FRMD5: variants seen among roughly 807,000 people sequenced by gnomAD.
FRMD5 encodes FERM domain containing 5.
FRMD5 carries 20 observed loss-of-function variants against 69.0 expected under a neutral mutation model. The observed-to-expected ratio is 0.29, with a 90% CI of 0.20 to 0.42. FRMD5 has a LOEUF of 0.42. Ranked by LOEUF, FRMD5 falls within the 10% of genes least tolerant of loss-of-function variation. The pLI is 1.00. For missense variants in FRMD5, 595 were observed against 708.6 expected, an observed-to-expected ratio of 0.84 and a Z score of 1.82; for synonymous variants, 271 against 260.1, an observed-to-expected ratio of 1.04 and a Z score of -0.40.
chr15:44,035,943 A>T (rs1055459109), intron 1 of FRMD5, among the ~76,000 whole-genome samples: 3 of 152,188 alleles, frequency 2.0e-5, no homozygotes, highest in Admixed American at 6.5e-5. Flanking sequence ...AATGTTATAC[A>T]TGTGCTCCTG....
intron 5 of FRMD5, among the ~76,000 whole-genome samples, chr15:43,906,428 C>G (rs1566827001): frequency 6.6e-6 from 1 of 152,150 alleles, no homozygotes; most frequent in African/African-American, 2.4e-5. Context: ...GATGAATGAG[C>G]TGCGATCCAA....
At chr15:44,152,778 T>C (rs13379739) in intron 1 of FRMD5, among the ~76,000 whole-genome samples, 11,759 of 152,258 alleles carry the variant, frequency 0.077, 1,337 homozygotes, top group African/African-American at 0.24. Flanking sequence ...ACATATTTTG[T>C]CTGTTAAAAT....
chr15:44,052,688 C>T (rs563547115), intron 1 of FRMD5, among the ~76,000 whole-genome samples: 1 of 152,274 alleles, frequency 6.6e-6, no homozygotes, highest in African/African-American at 2.4e-5. Context: ...ACAAAAGACA[C>T]CATGACCATT....
At chr15:44,017,061 G>A (rs1035181989) in intron 1 of FRMD5, among the ~76,000 whole-genome samples, 5 of 151,972 alleles carry the variant, frequency 3.3e-5, no homozygotes, top group African/African-American at 7.2e-5. Context: ...TGAACTGGCC[G>A]GGTGCGGTGG....
At chr15:44,112,709 C>A (rs866475287) in intron 1 of FRMD5, among the ~76,000 whole-genome samples, 1 of 152,054 alleles carries the variant, frequency 6.6e-6, no homozygotes, top group Admixed American at 6.5e-5. Context: ...ACCTCATGAT[C>A]CACCCACCTC....
intron 1 of FRMD5, among the ~76,000 whole-genome samples, chr15:44,119,388 G>C (rs757542950): frequency 6.6e-6 from 1 of 152,092 alleles, no homozygotes; most frequent in Non-Finnish European, 1.5e-5. Context: ...TACTGACTTC[G>C]AGACGTACAG....
intron 7 of FRMD5, among the ~76,000 whole-genome samples, chr15:43,897,921 TTC>T (rs1375900236): frequency 7.3e-5 from 11 of 151,444 alleles, no homozygotes; most frequent in African/African-American, 2.7e-4. Flanking sequence ...TCCCCCCTCA[TTC>T]TCTCTTTCCT....
chr15:44,055,282 A>G (rs565460331), intron 1 of FRMD5, among the ~76,000 whole-genome samples: 1 of 152,234 alleles, frequency 6.6e-6, no homozygotes, highest in South Asian at 2.1e-4. Flanking sequence ...CTGGCACCTT[A>G]TAGACTAGTA....
Position 43,983,571 on chromosome 15 carries a change from T to G in FRMD5, c.103-59262A>C, listed in dbSNP as rs553287195. On this transcript the variant is annotated intron_variant, in intron 1 of 13. Coordinates refer to ENST00000417257, the MANE Select transcript of FRMD5 (RefSeq NM_032892.5). The stretch of plus-strand genomic sequence containing the variant: ...ATCACCCAGGATTTTGTATTTCATT[T>G]AAGAAGTCTGACAATGCTTTTATGC... Among the ~76,000 whole-genome samples the G allele has an allele frequency of 2.6e-5, 4 of 152,344 alleles. No homozygotes were observed. The East Asian group carries it at 7.7e-4, about 29-fold the overall frequency.
intron 1 of FRMD5, among the ~76,000 whole-genome samples, chr15:44,149,892 T>C (rs2077415959): frequency 6.6e-6 from 1 of 152,102 alleles, no homozygotes; most frequent in Non-Finnish European, 1.5e-5. Context: ...CAATGCAAAA[T>C]TGATGCAAAA....
At chr15:43,990,031 T>A (rs1212091636) in intron 1 of FRMD5, 2 of 808,626 alleles carry the variant, frequency 2.5e-6, no homozygotes, top group Non-Finnish European at 4.4e-6. Flanking sequence ...CACATAGGAG[T>A]CCTTCTGACC....
At chr15:43,929,451 C>T (rs1013593231) in intron 1 of FRMD5, among the ~76,000 whole-genome samples, 17 of 152,192 alleles carry the variant, frequency 1.1e-4, no homozygotes, top group African/African-American at 3.6e-4. Flanking sequence ...GTGAGGCACA[C>T]AAGCACCTCA....
At chr15:43,959,054 T>C (rs1014552734) in intron 1 of FRMD5, among the ~76,000 whole-genome samples, 1 of 152,102 alleles carries the variant, frequency 6.6e-6, no homozygotes, top group Non-Finnish European at 1.5e-5. Flanking sequence ...AGACTAAACT[T>C]CCCTCCCCCA....
chr15:44,036,239 C>T (rs2140299894), intron 1 of FRMD5, among the ~76,000 whole-genome samples: 1 of 152,202 alleles, frequency 6.6e-6, no homozygotes, highest in African/African-American at 2.4e-5. Context: ...TTTCTCCTGA[C>T]CAAGGTTGAA....
At chr15:43,995,733 G>A (rs1265286092) in intron 1 of FRMD5, among the ~76,000 whole-genome samples, 1 of 151,978 alleles carries the variant, frequency 6.6e-6, no homozygotes, top group African/African-American at 2.4e-5. Flanking sequence ...GGAATCCTGG[G>A]GACTGGCCTG....
intron 1 of FRMD5, among the ~76,000 whole-genome samples, chr15:44,060,938 GTC>G (rs373512736): frequency 4.5e-4 from 68 of 152,176 alleles, no homozygotes; most frequent in African/African-American, 1.6e-3. Context: ...TTTCTTATTT[GTC>G]TCTCTATCCT....
At chr15:44,059,181 G>C (rs150344394) in intron 1 of FRMD5, among the ~76,000 whole-genome samples, 1 of 152,186 alleles carries the variant, frequency 6.6e-6, no homozygotes, top group African/African-American at 2.4e-5. Context: ...AGAACATTTT[G>C]GAGAAAGCTA....
intron 1 of FRMD5, among the ~76,000 whole-genome samples, chr15:43,963,125 C>G (rs2090231964): frequency 6.6e-6 from 1 of 152,204 alleles, no homozygotes; most frequent in South Asian, 2.1e-4. Context: ...AGGCAACCTA[C>G]AGAATGGGAG....
Position 44,195,018 on chromosome 15 carries a change from G to C in FRMD5, c.37C>G (p.Leu13Val). ...SRLMSGSSRSLEREYSCTVRL... is the reference protein window; with the variant it reads ...SRLMSGSSRSVEREYSCTVRL... Reference sequence around the variant, plus strand: ...ACGGTGCAGCTGTACTCGCGCTCCAGGCTCCTGCTGCTGCCGCTCATCAAC... The same window carrying C: ...ACGGTGCAGCTGTACTCGCGCTCCACGCTCCTGCTGCTGCCGCTCATCAAC... The change falls in exon 1 of 14, where the codon CTG becomes GTG. Residue 13 changes from leucine (L) to valine (V), a missense_variant. By Grantham distance (32) the Leu-to-Val change is conservative. Transcript: ENST00000417257. The C allele has an allele frequency of 6.4e-7, 1 of 1,558,074 alleles. No individual in the cohort carries two copies. Among genetic ancestry groups the C allele is most frequent in the Non-Finnish European group, 8.6e-7 (1 of 1,156,782 alleles).
Sources: allele counts gnomAD v4.1 joint callset (sites outside exome capture counted in the v4.1 genomes callset), GRCh38; gene constraint gnomAD v4.1.1; transcripts MANE v1.5; gene names NCBI Gene and HGNC (gene_info 2026-07-23, HGNC 2026-07-21).